CCDC88C: variants seen among roughly 807,000 people sequenced by gnomAD.
CCDC88C encodes the protein coiled-coil and HOOK domain protein 88C.
In CCDC88C, 131 loss-of-function variants were observed where a neutral mutation model predicts 198.8. The ratio of observed to expected loss-of-function variants is 0.66; its 90% CI spans 0.57 to 0.76. The LOEUF is 0.76. Among genes scored for constraint, CCDC88C ranks in the 30% least tolerant of loss-of-function variants. The pLI, the probability that CCDC88C is intolerant of heterozygous loss-of-function variation, is 0.00. For synonymous variants in CCDC88C, 1,166 were observed against 1,114.7 expected, an observed-to-expected ratio of 1.05 and a Z score of -0.92; for missense variants, 2,553 against 2,631.6, an observed-to-expected ratio of 0.97 and a Z score of 0.65.
At chr14:91,353,029 T>C (rs1032877023) in intron 4 of CCDC88C, among the ~76,000 whole-genome samples, 11 of 152,160 alleles carry the variant, frequency 7.2e-5, no homozygotes, top group Non-Finnish European at 1.6e-4. Context: ...GAGAGAGAGG[T>C]TTCCATGGGA....
intron 3 of CCDC88C, among the ~76,000 whole-genome samples, chr14:91,370,090 C>T (rs1047033138): frequency 6.6e-6 from 1 of 152,216 alleles, no homozygotes; most frequent in African/African-American, 2.4e-5. Flanking sequence ...GAAGGAGCAC[C>T]TGGAAACTCA....
At chr14:91,345,947 A>C (rs1369773662) in intron 4 of CCDC88C, among the ~76,000 whole-genome samples, 1 of 152,106 alleles carries the variant, frequency 6.6e-6, no homozygotes, top group East Asian at 1.9e-4. Flanking sequence ...AAAAAAATCT[A>C]TGTGTTCTTT....
At chr14:91,385,701 C>A (rs188303748) in intron 3 of CCDC88C, among the ~76,000 whole-genome samples, 1 of 152,192 alleles carries the variant, frequency 6.6e-6, no homozygotes, top group East Asian at 1.9e-4. Flanking sequence ...TGGTGGCTCA[C>A]ACCTGTAATC....
intron 3 of CCDC88C, among the ~76,000 whole-genome samples, chr14:91,388,193 C>G (rs1426914295): frequency 6.6e-6 from 1 of 152,188 alleles, no homozygotes; most frequent in African/African-American, 2.4e-5. Flanking sequence ...TGTGCTGCGG[C>G]CAGCAAGCGG....
chr14:91,327,004 A>C (rs1892609290), intron 10 of CCDC88C, among the ~76,000 whole-genome samples: 1 of 152,216 alleles, frequency 6.6e-6, no homozygotes, highest in Non-Finnish European at 1.5e-5. Context: ...AAGTCAGTCC[A>C]GGGCGCACAT....
chr14:91,330,880 G>A (rs1892795796), intron 10 of CCDC88C, among the ~76,000 whole-genome samples: 1 of 152,124 alleles, frequency 6.6e-6, no homozygotes, highest in Non-Finnish European at 1.5e-5. Context: ...AGGCGGCAGG[G>A]CAGGTGAGCC....
rs199846951 is a variant in CCDC88C at position 91,359,709 on chromosome 14, T to C, written c.273A>G (p.Glu91=). The change falls in exon 4 of 30, where the codon GAA becomes GAG. Residue 91 remains glutamate, a splice_region_variant and synonymous_variant. Transcript: ENST00000389857. ...TCATTACAATCAGCTGCTGGAGAAC[T>C]TCCTGCAGAAACAAAGGGGGAAAAG... is the stretch of plus-strand genomic sequence containing the variant. The part of the protein sequence containing the change: ...LVRNIKTYYQ[E]VLQQLIVMNL... 327 of 1,608,210 alleles carry C rather than the reference T, an allele frequency of 2.0e-4. 2 individuals are homozygous for C. Among genetic ancestry groups the C allele is most frequent in the Non-Finnish European group, 2.5e-4 (290 of 1,176,948 alleles).
intron 3 of CCDC88C, among the ~76,000 whole-genome samples, chr14:91,387,936 C>T (rs1885241986): frequency 6.6e-6 from 1 of 152,214 alleles, no homozygotes. Context: ...ATACTGACAG[C>T]CAAGCCCACT....
At chr14:91,303,312 G>C (rs1409456875) in intron 20 of CCDC88C, among the ~76,000 whole-genome samples, 1 of 146,866 alleles carries the variant, frequency 6.8e-6, no homozygotes, top group Non-Finnish European at 1.5e-5. Flanking sequence ...CCCCACCTCT[G>C]CTCCAGGCTC....
intron 16 of CCDC88C, among the ~76,000 whole-genome samples, 193 bp downstream of exon 16, chr14:91,309,666 A>G (rs1426210224): frequency 6.6e-6 from 1 of 151,808 alleles, no homozygotes; most frequent in African/African-American, 2.4e-5. Context: ...CTCCTTCCAC[A>G]CCTATCTGAG....
intron 4 of CCDC88C, among the ~76,000 whole-genome samples, chr14:91,359,160 CTTTTTTTTTTTTT>C (rs950112450): frequency 9.2e-6 from 1 of 108,656 alleles, no homozygotes; most frequent in East Asian, 2.7e-4. Flanking sequence ...AGGCTTCATT[CTTTTTTTTTTTTT>C]TTTTTTTTTG....
At chr14:91,412,207 G>GTTTTTTTTTTTTTTTTT (rs1567129989) in intron 2 of CCDC88C, among the ~76,000 whole-genome samples, 2 of 152,038 alleles carry the variant, frequency 1.3e-5, no homozygotes, top group African/African-American at 4.8e-5. Flanking sequence ...TATGTTTAAT[G>GTTTTTTTTTTTTTTTTT]TATTTTTATA....
chr14:91,408,343 C>T, intron 3 of CCDC88C: 1 of 292,314 alleles, frequency 3.4e-6, no homozygotes, highest in South Asian at 3.9e-5. Flanking sequence ...CTTCAGGAAG[C>T]CCATTCCAGC....
Position 91,339,191 on chromosome 14 carries a change from T to C in CCDC88C, c.809+87A>G, listed in dbSNP as rs935321245. 1 of 1,492,258 alleles carries C rather than the reference T, an allele frequency of 6.7e-7. No individual in the cohort carries two copies. The highest frequency in any genetic ancestry group is 9.2e-7 in the Non-Finnish European group (1 of 1,088,216). 92.4% of individuals were successfully genotyped at this position (1,492,258 alleles called of 1,614,324 possible). On this transcript the variant is annotated intron_variant, in intron 8 of 29. Coordinates refer to ENST00000389857, the MANE Select transcript of CCDC88C (RefSeq NM_001080414.4). This position sits in a 1 kb window ranked among gnomAD's most constrained non-coding sequence, Gnocchi z 5.8. The stretch of plus-strand genomic sequence containing the variant: ...CGGGGCACACGTCAGAGCTGTGCCA[T>C]TGGCAGCACCACACATGTGAGTCGA...
chr14:91,315,639 G>T lies in CCDC88C; in HGVS notation c.1665+11C>A. On this transcript the variant is annotated intron_variant, in intron 14 of 29. Coordinates refer to ENST00000389857, the MANE Select transcript of CCDC88C (RefSeq NM_001080414.4). ...GGTTCTAGGAGAGGCGTTAGTGGTG[G>T]AGGCACCTACCTGCCTGGCTTTGTC... The T allele has an allele frequency of 6.2e-7, 1 of 1,613,736 alleles. No individual in the cohort carries two copies. The highest frequency in any genetic ancestry group is 2.2e-5 in the East Asian group (1 of 44,874).
chr14:91,375,318 C>T (rs1325799816), intron 3 of CCDC88C, among the ~76,000 whole-genome samples: 2 of 152,142 alleles, frequency 1.3e-5, no homozygotes, highest in African/African-American at 4.8e-5. Context: ...TGTGAACAGC[C>T]TGAATCTAAA....
rs144290790 is a variant in CCDC88C, at chr14:91,336,077, C to T, written c.1050+1928G>A. On this transcript the variant is annotated intron_variant, in intron 10 of 29. Transcript: ENST00000389857. ...TCTCTTGTGATTAATAAAGTGAATA[C>T]GAAATCTAAGGCATTATAAATCTCA... Among the ~76,000 whole-genome samples, 1,472 of 152,238 alleles carry T rather than the reference C, an allele frequency of 9.7e-3. 18 individuals carry two copies. Among genetic ancestry groups the T allele is most frequent in the African/African-American group, 0.028 (1,178 of 41,530 alleles).
intron 13 of CCDC88C, among the ~76,000 whole-genome samples, chr14:91,319,656 T>C (rs1892262105): frequency 1.3e-5 from 2 of 152,192 alleles, no homozygotes; most frequent in African/African-American, 2.4e-5. Context: ...TGCTCTCTTT[T>C]TATTGAGTGC....
chr14:91,278,358 T>TTTCAGCCTGGTG, intron 28 of CCDC88C, 147 bp from the exon 29 acceptor site: 1 of 732,294 alleles, frequency 1.4e-6, no homozygotes, highest in Non-Finnish European at 2.0e-6. Context: ...CCCACCAGGC[T>TTTCAGCCTGGTG]GAAAGTCTGG....
Sources: allele counts gnomAD v4.1 joint callset (sites outside exome capture counted in the v4.1 genomes callset), GRCh38; gene constraint gnomAD v4.1.1; non-coding constraint Gnocchi (gnomAD v3.1); transcripts MANE v1.5; gene names NCBI Gene and HGNC (gene_info 2026-07-23, HGNC 2026-07-21).